The following ROR1 variants were observed in gnomAD, a reference collection of about 807,000 sequenced individuals.
ROR1 encodes inactive tyrosine-protein kinase transmembrane receptor ROR1.
Under a neutral mutation model 78.8 loss-of-function variants are expected in ROR1, and 19 were observed. That is an observed-to-expected ratio of 0.24 (90% confidence interval 0.17 to 0.35). The LOEUF (loss-of-function observed/expected upper bound fraction) is 0.35, where lower values mean the gene tolerates loss of function less well. ROR1 is among the 10% of genes least tolerant of loss of function. ROR1 has a pLI of 1.00. For missense variants in ROR1, 917 were observed against 1,177.8 expected (o/e 0.78, Z 3.24); for synonymous variants, 386 against 433.6 (o/e 0.89, Z 1.36).
chr1:64,047,759 T>C (rs146152226), intron 2 of ROR1, among the ~76,000 whole-genome samples: 2 of 152,240 alleles, frequency 1.3e-5, no homozygotes, highest in East Asian at 3.9e-4. Flanking sequence ...CATTCGTGGA[T>C]TGAGTATAGA....
At chr1:63,904,752 C>G (rs1280498839) in intron 1 of ROR1, among the ~76,000 whole-genome samples, 1 of 152,106 alleles carries the variant, frequency 6.6e-6, no homozygotes, top group Non-Finnish European at 1.5e-5. Flanking sequence ...AGAAGAAAGA[C>G]CAGTGAAGAT....
intron 1 of ROR1, among the ~76,000 whole-genome samples, chr1:63,904,395 C>T (rs1165462537): frequency 2.0e-5 from 3 of 152,126 alleles, no homozygotes; most frequent in Non-Finnish European, 2.9e-5. Context: ...AGGCTCTTTT[C>T]CTCAGGATTT....
intron 4 of ROR1, among the ~76,000 whole-genome samples, chr1:64,122,870 C>T: frequency 6.6e-6 from 1 of 152,204 alleles, no homozygotes; most frequent in South Asian, 2.1e-4. Flanking sequence ...GCCCTGATGA[C>T]ATCTGGTGTC....
chr1:63,963,805 C>A (rs1646052716), intron 1 of ROR1, among the ~76,000 whole-genome samples: 1 of 152,028 alleles, frequency 6.6e-6, no homozygotes, highest in African/African-American at 2.4e-5. Context: ...ACCTTCAGCC[C>A]CTCCCCGCTG....
At chr1:63,868,559 A>G (rs1645231350) in intron 1 of ROR1, among the ~76,000 whole-genome samples, 1 of 152,238 alleles carries the variant, frequency 6.6e-6, no homozygotes, top group South Asian at 2.1e-4. Flanking sequence ...ATTGTGCATA[A>G]TACACAGCGT....
chr1:63,822,323 G>T (rs1430490497), intron 1 of ROR1, among the ~76,000 whole-genome samples: 1 of 152,158 alleles, frequency 6.6e-6, no homozygotes. Flanking sequence ...TTACAACCTA[G>T]TTTGCTTGCA....
chr1:63,939,645 G>A (rs960492293), intron 1 of ROR1, among the ~76,000 whole-genome samples: 16 of 152,154 alleles, frequency 1.1e-4, no homozygotes, highest in African/African-American at 3.9e-4. Flanking sequence ...CGCCAGCTGT[G>A]TTACCTCGAA....
At chr1:63,984,577 T>C (rs1646235983) in intron 1 of ROR1, among the ~76,000 whole-genome samples, 1 of 152,204 alleles carries the variant, frequency 6.6e-6, no homozygotes, top group Admixed American at 6.5e-5. Context: ...CTATTAACTT[T>C]ATGTTGACCT....
intron 1 of ROR1, among the ~76,000 whole-genome samples, chr1:63,933,535 A>G (rs1041720098): frequency 6.6e-6 from 1 of 152,214 alleles, no homozygotes; most frequent in African/African-American, 2.4e-5. Flanking sequence ...TAAGTTTTCT[A>G]ACTCCATCGC....
intron 1 of ROR1, among the ~76,000 whole-genome samples, chr1:63,942,550 ATGGCC>A (rs1645849496): frequency 6.6e-6 from 1 of 152,122 alleles, no homozygotes; most frequent in Admixed American, 6.5e-5. Context: ...TGTATGATGC[ATGGCC>A]TTAGGAGTAG....
At chr1:64,096,428 T>C (rs2762856) in intron 4 of ROR1, among the ~76,000 whole-genome samples, 93,292 of 151,850 alleles carry the variant, frequency 0.61, 30,026 homozygotes, top group African/African-American at 0.81. Flanking sequence ...TGTGTTGTTC[T>C]CCTCCATGTG....
intron 1 of ROR1, among the ~76,000 whole-genome samples, chr1:63,834,369 A>G (rs143751449): frequency 1.3e-5 from 2 of 152,202 alleles, no homozygotes; most frequent in South Asian, 2.1e-4. Flanking sequence ...ATACGGATGT[A>G]TAAGATTCCA....
At chr1:64,069,121 A>C (rs534087570) in intron 4 of ROR1, among the ~76,000 whole-genome samples, 1 of 152,158 alleles carries the variant, frequency 6.6e-6, no homozygotes, top group South Asian at 2.1e-4. Flanking sequence ...ATTTAATTCT[A>C]ATTTCAGGTG....
chr1:63,950,817 T>G (rs914064234), intron 1 of ROR1, among the ~76,000 whole-genome samples: 2 of 152,164 alleles, frequency 1.3e-5, no homozygotes, highest in African/African-American at 2.4e-5. Flanking sequence ...ACATGAGAGA[T>G]TCCCTGCAAG....
chr1:64,145,386 C>A (rs1649446962), intron 7 of ROR1, among the ~76,000 whole-genome samples: 1 of 151,922 alleles, frequency 6.6e-6, no homozygotes, highest in African/African-American at 2.4e-5. Flanking sequence ...TTTGAGAGAC[C>A]CTTATTCTAT....
intron 1 of ROR1, among the ~76,000 whole-genome samples, chr1:63,907,237 G>GAGC (rs1645536533): frequency 6.6e-6 from 1 of 152,184 alleles, no homozygotes; most frequent in African/African-American, 2.4e-5. Context: ...TATGGTGTGG[G>GAGC]AGCAGCACGT....
chr1:64,154,478 A>G (rs1387115181), intron 7 of ROR1, among the ~76,000 whole-genome samples: 1 of 152,236 alleles, frequency 6.6e-6, no homozygotes, highest in Non-Finnish European at 1.5e-5. Context: ...ATTTAAAACC[A>G]GAGCCTTTTC....
chr1:63,960,038 C>T (rs1646015488), intron 1 of ROR1, among the ~76,000 whole-genome samples: 1 of 152,226 alleles, frequency 6.6e-6, no homozygotes. Context: ...CCCAAATGCA[C>T]TGCTGTGACA....
At chr1:64,100,308 C>A (rs907619599) in intron 4 of ROR1, among the ~76,000 whole-genome samples, 9 of 151,796 alleles carry the variant, frequency 5.9e-5, no homozygotes, top group Non-Finnish European at 1.0e-4. Flanking sequence ...ATGGCAAGAC[C>A]TCATCTCTAC....
Sources: gnomAD v4.1 joint callset for allele counts (sites outside exome capture counted in the v4.1 genomes callset) on GRCh38, gnomAD v4.1.1 for gene constraint, MANE v1.5 for transcripts, NCBI Gene and HGNC (gene_info 2026-07-23, HGNC 2026-07-21) for gene names.